Variants in MAST3 observed in about 807,000 individuals in gnomAD.
MAST3 encodes the protein microtubule associated serine/threonine kinase 3.
A neutral mutation model predicts 127.0 loss-of-function variants in MAST3; 43 were observed. The ratio of observed to expected loss-of-function variants is 0.34; its 90% CI spans 0.27 to 0.44. The LOEUF (loss-of-function observed/expected upper bound fraction) is 0.44, where lower values mean the gene tolerates loss of function less well. MAST3 is among the 20% of genes least tolerant of loss of function. The pLI is 1.00. For missense variants in MAST3, 1,390 were observed against 1,919.1 expected (o/e 0.72, Z 5.15); for synonymous variants, 785 against 809.2 (o/e 0.97, Z 0.51).
chr19:18,108,610 T>C (rs2038254756), intron 2 of MAST3, among the ~76,000 whole-genome samples: 1 of 152,164 alleles, frequency 6.6e-6, no homozygotes, highest in African/African-American at 2.4e-5. Flanking sequence ...TCAAGCGATC[T>C]GCCTGCCTCA....
rs370057215 is a variant in MAST3 at position 18,123,971 on chromosome 19, G to T, written c.666G>T (p.Glu222Asp). ...ATAQMEGRLQ[E>D]FLTAYAPGAR... is the part of the protein sequence containing the mutation. Reference sequence around the variant, plus strand: ...CACAGATGGAGGGCCGTCTGCAGGAGTTCCTGACGGCCTACGCGCCCGGCG... The same window carrying T: ...CACAGATGGAGGGCCGTCTGCAGGATTTCCTGACGGCCTACGCGCCCGGCG... The change falls in exon 9 of 28, where the codon GAG becomes GAT. Residue 222 changes from glutamate to aspartate, a missense_variant. Transcript: ENST00000687212. 1 of 1,580,144 alleles carries T rather than the reference G, an allele frequency of 6.3e-7. No individual in the cohort carries two copies. Among genetic ancestry groups the T allele is most frequent in the South Asian group, 1.2e-5 (1 of 86,946 alleles).
At chr19:18,118,006 C>A in intron 3 of MAST3, 1 of 609,468 alleles carries the variant, frequency 1.6e-6, no homozygotes, top group Non-Finnish European at 2.1e-6. Flanking sequence ...GAGTTCCAGT[C>A]GCGCTCGGGG....
intron 17 of MAST3, among the ~76,000 whole-genome samples, 173 bp from the exon 18 acceptor site, chr19:18,135,567 G>A (rs2041811591): frequency 6.6e-6 from 1 of 152,184 alleles, no homozygotes; most frequent in African/African-American, 2.4e-5. Context: ...TCTGAGCATA[G>A]GGCACAGCTG....
At chr19:18,108,846 G>T (rs772864968) in intron 2 of MAST3, among the ~76,000 whole-genome samples, 5 of 152,186 alleles carry the variant, frequency 3.3e-5, no homozygotes, top group Admixed American at 2.0e-4. Context: ...TGAGTTGGGG[G>T]TGGGAATCAC....
intron 1 of MAST3, among the ~76,000 whole-genome samples, chr19:18,099,718 T>A (rs2146745281): frequency 6.6e-6 from 1 of 152,278 alleles, no homozygotes; most frequent in African/African-American, 2.4e-5. Flanking sequence ...CCCGACTGAA[T>A]GAGGGCATTC....
rs370276924 is a variant in MAST3 at position 18,118,299 on chromosome 19, A to C, written c.162-3386A>C. 3.8e-5 allele frequency: 37 copies of C among 969,344 alleles called. No individual in the cohort carries two copies. In the East Asian group the frequency reaches 5.7e-4, roughly 15 times the overall value. The allele number at this position is 969,344 out of a possible 1,614,324, so 60.0% of individuals were successfully genotyped here. A position where few individuals can be genotyped will look rare whatever the true frequency, so the allele number is the denominator to read the frequency against. ...CGAAGGCTCGGCGGCCAGCCGAGCAAACAGGAGTTGCCAGAAGTGTGTCCT... is the reference window on the plus strand; with the variant it reads ...CGAAGGCTCGGCGGCCAGCCGAGCACACAGGAGTTGCCAGAAGTGTGTCCT... On this transcript the variant is annotated intron_variant, in intron 3 of 27. Transcript: ENST00000687212.
At chr19:18,131,807 G>T in intron 14 of MAST3, 102 bp from the exon 15 acceptor site, 1 of 1,332,212 alleles carries the variant, frequency 7.5e-7, no homozygotes, top group Non-Finnish European at 1.0e-6. Context: ...CCTTTTGCAG[G>T]AGGTAAAGCG....
chr19:18,124,565 C>T (rs763963049), intron 10 of MAST3, 77 bp from the exon 11 acceptor site: 11 of 1,495,226 alleles, frequency 7.4e-6, no homozygotes, highest in African/African-American at 4.2e-5. Flanking sequence ...AAGGGTGCTC[C>T]AGGCAGAGGG....
intron 21 of MAST3, among the ~76,000 whole-genome samples, chr19:18,142,220 A>G (rs528065450): frequency 3.9e-5 from 6 of 152,142 alleles, no homozygotes; most frequent in African/African-American, 1.4e-4. Flanking sequence ...GTGTACCATC[A>G]TGCTGCTAGG....
intron 3 of MAST3, among the ~76,000 whole-genome samples, chr19:18,119,606 C>T (rs1403910098): frequency 1.3e-5 from 2 of 152,202 alleles, no homozygotes; most frequent in African/African-American, 4.8e-5. Context: ...GCTGCCCTCC[C>T]GGCGTGAGCC....
intron 1 of MAST3, among the ~76,000 whole-genome samples, chr19:18,105,624 G>A (rs528654845): frequency 8.6e-5 from 13 of 151,558 alleles, no homozygotes; most frequent in African/African-American, 2.9e-4. Flanking sequence ...AGCGAGCCGA[G>A]ATTGTGTCAT....
chr19:18,119,461 A>C (rs1208334825), intron 3 of MAST3, among the ~76,000 whole-genome samples: 7 of 152,138 alleles, frequency 4.6e-5, no homozygotes, highest in Non-Finnish European at 7.4e-5. Flanking sequence ...TCAGGCTGGG[A>C]GACAATCACT....
In MAST3 at chr19:18,112,496, G is replaced by A. The variant is rs1226631064; in HGVS notation, c.161+1755G>A. On this transcript the variant is annotated intron_variant, in intron 3 of 27. Coordinates refer to ENST00000687212, the MANE Select transcript of MAST3 (RefSeq NM_001393504.1). This position sits in a 1 kb window ranked among gnomAD's most constrained non-coding sequence, Gnocchi z 4.1. Reference sequence around the variant, plus strand: ...ATTACAGGCACACACCAACACTCCCGGCTAATTTTTGTATTTTCAGTAAAG... The same window carrying A: ...ATTACAGGCACACACCAACACTCCCAGCTAATTTTTGTATTTTCAGTAAAG... Among the ~76,000 whole-genome samples the A allele has an allele frequency of 5.3e-5, 8 of 152,034 alleles. No homozygotes were observed. Among genetic ancestry groups the A allele is most frequent in the South Asian group, 2.1e-4 (1 of 4,816 alleles).
Position 18,124,186 on chromosome 19 carries a change from T to TGGGACGTGGAGTGA in MAST3, c.843+42_843+55dup. 1.9e-6 allele frequency: 3 copies of TGGGACGTGGAGTGA among 1,594,354 alleles called. No individual in the cohort carries two copies. In the East Asian group the frequency reaches 6.8e-5, roughly 36 times the overall value. ...TCGCATGTTGAGGTTTTGCATGCAG[T>TGGGACGTGGAGTGA]GGGACGTGGAGTGAGGGGGGTCCCC... On this transcript the variant is annotated intron_variant, in intron 9 of 27. Coordinates refer to ENST00000687212, the MANE Select transcript of MAST3 (RefSeq NM_001393504.1).
intron 21 of MAST3, among the ~76,000 whole-genome samples, chr19:18,143,102 ACT>A (rs1156915573): frequency 8.6e-6 from 1 of 116,440 alleles, no homozygotes; most frequent in East Asian, 2.5e-4. Context: ...ACAGAGCGAG[ACT>A]CTGTCTCAAA....
intron 18 of MAST3, among the ~76,000 whole-genome samples, chr19:18,136,736 G>C (rs2041931713): frequency 1.3e-5 from 2 of 152,192 alleles, no homozygotes; most frequent in South Asian, 4.2e-4. Context: ...TGCTGGCCTG[G>C]GTTTGAATCC....
At chr19:18,130,227 G>A (rs2041128831) in intron 13 of MAST3, among the ~76,000 whole-genome samples, 1 of 152,072 alleles carries the variant, frequency 6.6e-6, no homozygotes, top group South Asian at 2.1e-4. Context: ...AAAAACATAA[G>A]ATAAAATAAA....
rs745992543 is a variant in MAST3, at chr19:18,124,937, C to CCCA, written c.1078+165_1078+166insACC. Among the ~76,000 whole-genome samples the CCCA allele has an allele frequency of 5.7e-5, 8 of 139,364 alleles. No homozygotes were observed. In the South Asian group the frequency reaches 7.0e-4, roughly 12 times the overall value. The allele number at this position is 139,364 out of a possible 152,430, so 91.4% of individuals were successfully genotyped here. On this transcript the variant is annotated intron_variant, in intron 11 of 27. Coordinates refer to ENST00000687212, the MANE Select transcript of MAST3 (RefSeq NM_001393504.1). ...CCTGGCCAACATGGTGGAAACCCCC[C>CCCA]CCCTACTAAAAATACAAAAATTAGC... is the stretch of plus-strand genomic sequence containing the variant.
At chr19:18,126,829 G>A (rs1030545899) in intron 11 of MAST3, among the ~76,000 whole-genome samples, 3 of 151,774 alleles carry the variant, frequency 2.0e-5, no homozygotes, top group African/African-American at 7.3e-5. Context: ...CGCCCAGGCT[G>A]GAGTGCAGTG....
Sources: gnomAD v4.1 joint callset for allele counts (sites outside exome capture counted in the v4.1 genomes callset) on GRCh38, gnomAD v4.1.1 for gene constraint, Gnocchi (gnomAD v3.1) non-coding constraint, MANE v1.5 for transcripts, NCBI Gene and HGNC (gene_info 2026-07-23, HGNC 2026-07-21) for gene names.